Variants in ZNF892 observed in about 807,000 individuals in gnomAD.
ZNF892 encodes the protein zinc finger protein 892.
the ZNF892 span, among the ~76,000 whole-genome samples, chr2:95,234,120 C>G: frequency 2.0e-5 from 3 of 152,150 alleles, no homozygotes; most frequent in Non-Finnish European, 2.9e-5. Context: ...CTCCCAGGTT[C>G]AAGCAATTCT....
chr2:95,251,896 T>G, the ZNF892 span, among the ~76,000 whole-genome samples: 2 of 152,306 alleles, frequency 1.3e-5, no homozygotes, highest in African/African-American at 4.8e-5. Context: ...CAATGACCAG[T>G]GGGTACCCAG....
At chr2:95,218,170 A>C in the ZNF892 span, among the ~76,000 whole-genome samples, 1 of 151,850 alleles carries the variant, frequency 6.6e-6, no homozygotes, top group Non-Finnish European at 1.5e-5. Context: ...GTTAAGCCAC[A>C]CTCTTAGTGT....
At chr2:95,240,540 G>A in the ZNF892 span, among the ~76,000 whole-genome samples, 12 of 152,188 alleles carry the variant, frequency 7.9e-5, no homozygotes, top group Non-Finnish European at 1.5e-4. Context: ...CAGCAACTCA[G>A]GCATACACAG....
At chr2:95,208,802 C>T in the ZNF892 span, 1 of 398,314 alleles carries the variant, frequency 2.5e-6, no homozygotes, top group Non-Finnish European at 4.4e-6. Flanking sequence ...CCTTCCAGTG[C>T]TTATGGAATT....
chr2:95,245,936 T>A, the ZNF892 span, among the ~76,000 whole-genome samples: 3 of 152,150 alleles, frequency 2.0e-5, no homozygotes, highest in Middle Eastern at 3.4e-3. Context: ...CCACCAAAAG[T>A]ACAAAGAAGA....
At chr2:95,233,497 C>T in the ZNF892 span, among the ~76,000 whole-genome samples, 1 of 151,016 alleles carries the variant, frequency 6.6e-6, no homozygotes, top group African/African-American at 2.4e-5. Flanking sequence ...CACGGTGAAA[C>T]CGCATCTCTA....
At chr2:95,227,094 T>C in the ZNF892 span, among the ~76,000 whole-genome samples, 1 of 150,064 alleles carries the variant, frequency 6.7e-6, no homozygotes, top group African/African-American at 2.5e-5. Context: ...GGCTCCTCTC[T>C]CCTCCCTCCC....
chr2:95,214,371 C>T, the ZNF892 span: 4 of 398,328 alleles, frequency 1.0e-5, no homozygotes, highest in Non-Finnish European at 1.8e-5. Flanking sequence ...GGAGCTAACT[C>T]CAGAGAAGGA....
At chr2:95,236,665 CTT>C in the ZNF892 span, among the ~76,000 whole-genome samples, 1 of 152,174 alleles carries the variant, frequency 6.6e-6, no homozygotes, top group Non-Finnish European at 1.5e-5. Flanking sequence ...AGATGAAACA[CTT>C]TTGTCTGTAG....
the ZNF892 span, among the ~76,000 whole-genome samples, chr2:95,219,916 C>T: frequency 6.6e-6 from 1 of 152,142 alleles, no homozygotes; most frequent in Non-Finnish European, 1.5e-5. Context: ...TCAGGAATGC[C>T]TTGTTATTGC....
chr2:95,263,445 G>A, the ZNF892 span, among the ~76,000 whole-genome samples: 7 of 152,030 alleles, frequency 4.6e-5, no homozygotes, highest in Admixed American at 1.3e-4. Flanking sequence ...AAGCTTGTGG[G>A]GATTTCTTTC....
chr2:95,247,830 CA>C, the ZNF892 span, among the ~76,000 whole-genome samples: 16 of 151,800 alleles, frequency 1.1e-4, 1 homozygote, highest in Non-Finnish European at 1.8e-4. Flanking sequence ...TTATTAAAAA[CA>C]AAAAATAACA....
At chr2:95,247,559 G>A in the ZNF892 span, among the ~76,000 whole-genome samples, 1 of 152,120 alleles carries the variant, frequency 6.6e-6, no homozygotes, top group African/African-American at 2.4e-5. Context: ...ACCATCAACA[G>A]AGTAAACAGA....
At chr2:95,211,440 G>C in the ZNF892 span, among the ~76,000 whole-genome samples, 1 of 152,222 alleles carries the variant, frequency 6.6e-6, no homozygotes, top group South Asian at 2.1e-4. Flanking sequence ...CAGAGAGTGA[G>C]TCTGTGGACT....
chr2:95,236,044 G>A, the ZNF892 span, among the ~76,000 whole-genome samples: 1 of 152,162 alleles, frequency 6.6e-6, no homozygotes, highest in Admixed American at 6.5e-5. Flanking sequence ...TGGAAGGCAG[G>A]GGACTCTGTG....
At chr2:95,255,393 G>A in the ZNF892 span, among the ~76,000 whole-genome samples, 1 of 152,188 alleles carries the variant, frequency 6.6e-6, no homozygotes, top group African/African-American at 2.4e-5. Flanking sequence ...GCAGTTTTGA[G>A]TGAGTTTATT....
chr2:95,211,042 C>T, the ZNF892 span, among the ~76,000 whole-genome samples: 2 of 152,086 alleles, frequency 1.3e-5, no homozygotes, highest in Admixed American at 1.3e-4. Context: ...GCAGATTGAT[C>T]AGGGTCGTTG....
the ZNF892 span, among the ~76,000 whole-genome samples, chr2:95,257,833 G>A: frequency 6.6e-6 from 1 of 152,114 alleles, no homozygotes; most frequent in Non-Finnish European, 1.5e-5. Flanking sequence ...TGCTAGCAAT[G>A]AGCGAGGCTC....
At chr2:95,234,948 G>A in the ZNF892 span, among the ~76,000 whole-genome samples, 6 of 152,136 alleles carry the variant, frequency 3.9e-5, no homozygotes, top group East Asian at 1.2e-3. Context: ...AGGAGGGGAG[G>A]GCCTTGTGGG....
Sources: allele counts gnomAD v4.1 joint callset (sites outside exome capture counted in the v4.1 genomes callset), GRCh38; gene constraint gnomAD v4.1.1; transcripts MANE v1.5; gene names NCBI Gene and HGNC (gene_info 2026-07-23, HGNC 2026-07-21).